Variants in ABAT observed in about 807,000 individuals in gnomAD.
ABAT encodes the protein 4-aminobutyrate aminotransferase, mitochondrial.
ABAT carries 45 observed loss-of-function variants against 64.6 expected under a neutral mutation model. That is an observed-to-expected ratio of 0.70 (90% CI 0.55 to 0.89). The LOEUF (loss-of-function observed/expected upper bound fraction) is 0.89, where lower values mean the gene tolerates loss of function less well. Ranked by LOEUF, ABAT falls within the 40% of genes least tolerant of loss-of-function variation. The pLI is 0.00. For synonymous variants in ABAT, 297 were observed against 250.5 expected (o/e 1.19, Z -1.75); for missense variants, 633 against 658.4 (o/e 0.96, Z 0.42).
At chr16:8,705,971 G>A (rs1369144318) in intron 1 of ABAT, among the ~76,000 whole-genome samples, 1 of 152,164 alleles carries the variant, frequency 6.6e-6, no homozygotes, top group Admixed American at 6.5e-5. Flanking sequence ...CTTTGAGGGA[G>A]TGACATTTCT....
At chr16:8,686,955 C>T (rs1053236330) in intron 1 of ABAT, among the ~76,000 whole-genome samples, 3 of 152,150 alleles carry the variant, frequency 2.0e-5, no homozygotes, top group Admixed American at 1.3e-4. Context: ...GCAAGGCCAA[C>T]CTTGTTTGTA....
At chr16:8,767,505 G>T (rs1317893748) in intron 9 of ABAT, among the ~76,000 whole-genome samples, 1 of 152,186 alleles carries the variant, frequency 6.6e-6, no homozygotes, top group African/African-American at 2.4e-5. Flanking sequence ...AAGTTGAAGA[G>T]CCTGTAGAAA....
At chr16:8,744,201 G>A (rs781620632) in intron 2 of ABAT, among the ~76,000 whole-genome samples, 11 of 152,114 alleles carry the variant, frequency 7.2e-5, no homozygotes, top group Non-Finnish European at 1.2e-4. Flanking sequence ...AAGAAAAGAG[G>A]TTTAATTGGC....
rs762212864 is a variant in ABAT at position 8,745,995 on chromosome 16, C to A, written c.71-6C>A. On this transcript the variant is annotated splice_polypyrimidine_tract_variant and splice_region_variant and intron_variant, in intron 2 of 15. Coordinates refer to ENST00000268251, the MANE Select transcript of ABAT (RefSeq NM_020686.6). Reference sequence around the variant, plus strand: ...AGGGATTTCTCATTGTCTTTGTTTACTGCAGGATCCAGACACATTAGTCAA... The same window carrying A: ...AGGGATTTCTCATTGTCTTTGTTTAATGCAGGATCCAGACACATTAGTCAA... The A allele has an allele frequency of 5.0e-6, 8 of 1,613,298 alleles. No individual in the cohort carries two copies. The highest frequency in any genetic ancestry group is 6.8e-6 in the Non-Finnish European group (8 of 1,179,470).
intron 11 of ABAT, among the ~76,000 whole-genome samples, chr16:8,771,530 G>A (rs1399053809): frequency 3.3e-5 from 5 of 149,376 alleles, no homozygotes; most frequent in South Asian, 2.1e-4. Flanking sequence ...GCAGTGGCAC[G>A]ATATCTCGGC....
At chr16:8,688,184 C>T (rs747805233) in intron 1 of ABAT, among the ~76,000 whole-genome samples, 4 of 152,154 alleles carry the variant, frequency 2.6e-5, no homozygotes, top group Non-Finnish European at 5.9e-5. Flanking sequence ...AGCCACCGCA[C>T]CCGGCCAAAA....
At chr16:8,706,314 G>A (rs535912517) in intron 1 of ABAT, among the ~76,000 whole-genome samples, 19 of 150,604 alleles carry the variant, frequency 1.3e-4, no homozygotes, top group Non-Finnish European at 2.4e-4. Flanking sequence ...GCTGAGGTGG[G>A]AGGATCACCT....
intron 1 of ABAT, among the ~76,000 whole-genome samples, chr16:8,718,704 G>C (rs938664362): frequency 5.3e-5 from 8 of 152,214 alleles, no homozygotes. Flanking sequence ...CAGGGTTTTA[G>C]AGAACAACAG....
intron 1 of ABAT, among the ~76,000 whole-genome samples, chr16:8,691,486 T>C (rs1273358): frequency 0.4 from 60,258 of 151,836 alleles, 12,288 homozygotes; most frequent in East Asian, 0.65. Flanking sequence ...GTTGCCTAGG[T>C]TGGAGTGCAG....
intron 1 of ABAT, among the ~76,000 whole-genome samples, chr16:8,711,748 G>GTGGA (rs1567279769): frequency 1.3e-4 from 18 of 136,148 alleles, no homozygotes; most frequent in African/African-American, 5.3e-4. Context: ...GGATGGATGG[G>GTGGA]TGGATGGATG....
chr16:8,775,623 T>C (rs371037232), intron 13 of ABAT, among the ~76,000 whole-genome samples: 67 of 152,122 alleles, frequency 4.4e-4, no homozygotes, highest in African/African-American at 1.6e-3. Context: ...TTCCTACATG[T>C]AGTTTCTACC....
At position 8,750,971 on chromosome 16, in the gene ABAT, C is replaced by T. The variant is rs536313733; in HGVS notation, c.316+432C>T. Among the ~76,000 whole-genome samples, 14 of 119,518 alleles carry T rather than the reference C, an allele frequency of 1.2e-4. 1 individual carries two copies. In the East Asian group the frequency reaches 3.3e-3, roughly 28 times the overall value. 78.4% of individuals were successfully genotyped at this position (119,518 alleles called of 152,430 possible). A position where few individuals can be genotyped will look rare whatever the true frequency, so the allele number is the denominator to read the frequency against. ...TTTTTTTTTTTTTTTTTTTTCCAGA[C>T]GAAGTCTTGTTCTGTCGACCAGGCG... On this transcript the variant is annotated intron_variant, in intron 5 of 15. Transcript: ENST00000268251.
At chr16:8,760,334 G>A (rs968353197) in intron 6 of ABAT, 3 of 152,224 alleles carry the variant, frequency 2.0e-5, no homozygotes, top group East Asian at 1.9e-4. Flanking sequence ...CAAGGAACTT[G>A]ATCCCAGAAA....
At chr16:8,767,919 G>A (rs1044846391) in intron 9 of ABAT, among the ~76,000 whole-genome samples, 18 of 151,732 alleles carry the variant, frequency 1.2e-4, no homozygotes, top group Non-Finnish European at 1.9e-4. Flanking sequence ...CCGATGATCC[G>A]CCTGCCTCAG....
At chr16:8,727,055 A>C (rs2058579039) in intron 1 of ABAT, among the ~76,000 whole-genome samples, 1 of 152,106 alleles carries the variant, frequency 6.6e-6, no homozygotes, top group African/African-American at 2.4e-5. Flanking sequence ...TTTTTTCTAT[A>C]GAGTTGTTTG....
At chr16:8,749,386 C>CCT (rs2059416157) in intron 4 of ABAT, among the ~76,000 whole-genome samples, 1 of 31,984 alleles carries the variant, frequency 3.1e-5, no homozygotes, top group East Asian at 1.2e-3. Context: ...CGCACCCGGC[C>CCT]TTTTTTTTTT....
At chr16:8,729,770 T>TGA (rs1271800623) in intron 1 of ABAT, among the ~76,000 whole-genome samples, 1 of 148,082 alleles carries the variant, frequency 6.8e-6, no homozygotes, top group African/African-American at 2.5e-5. Context: ...AAGGCTGCAG[T>TGA]GAGCAATGAT....
intron 1 of ABAT, among the ~76,000 whole-genome samples, chr16:8,681,599 G>T (rs1029621432): frequency 3.3e-5 from 5 of 149,680 alleles, no homozygotes; most frequent in African/African-American, 1.2e-4. Flanking sequence ...TTGAAATGAG[G>T]TCTTTCTGCA....
intron 9 of ABAT, 36 bp from the exon 10 acceptor site, chr16:8,768,157 C>A: frequency 1.9e-6 from 3 of 1,601,634 alleles, no homozygotes; most frequent in Non-Finnish European, 2.6e-6. Context: ...CCCATCCTTA[C>A]AACTATGACT....
Sources: allele counts gnomAD v4.1 joint callset (sites outside exome capture counted in the v4.1 genomes callset), GRCh38; gene constraint gnomAD v4.1.1; transcripts MANE v1.5; gene names NCBI Gene and HGNC (gene_info 2026-07-23, HGNC 2026-07-21).